NCL: variants seen among roughly 807,000 people sequenced by gnomAD.
NCL encodes nucleolin multifunctional protein.
Under a neutral mutation model 77.7 loss-of-function variants are expected in NCL, and 4 were observed. The observed-to-expected ratio is 0.05, with a 90% CI of 0.03 to 0.12. The LOEUF (loss-of-function observed/expected upper bound fraction) is 0.12. Among genes scored for constraint, NCL ranks in the 10% least tolerant of loss-of-function variants. The pLI is 1.00. For synonymous variants in NCL, 344 were observed against 297.8 expected, an observed-to-expected ratio of 1.16 and a Z score of -1.60; for missense variants, 763 against 860.9, an observed-to-expected ratio of 0.89 and a Z score of 1.42.
chr2:231,458,247 T>A lies in NCL; in HGVS notation c.1289+19A>T. The A allele has an allele frequency of 6.3e-7, 1 of 1,599,506 alleles. No homozygotes were observed. On this transcript the variant is annotated intron_variant, in intron 8 of 13. Coordinates refer to ENST00000322723, the MANE Select transcript of NCL (RefSeq NM_005381.3). ...ATTAATGTTAATAAAACCCTTACAT[T>A]TCAATAGACAGAACATACCCTTTAC...
intron 11 of NCL, 125 bp downstream of exon 11, chr2:231,456,506 A>G (rs764404467): frequency 7.2e-7 from 1 of 1,390,576 alleles, no homozygotes; most frequent in East Asian, 2.3e-5. Flanking sequence ...TTTCTCAGGT[A>G]ATCAGTCATC....
At chr2:231,458,035 T>G (rs951303130) in intron 8 of NCL, among the ~76,000 whole-genome samples, 19 of 152,240 alleles carry the variant, frequency 1.2e-4, no homozygotes, top group South Asian at 4.1e-4. Flanking sequence ...TACAAAGTAT[T>G]TATTGTAAGA....
chr2:231,456,535 C>A, intron 11 of NCL, 96 bp downstream of exon 11: 1 of 1,547,690 alleles, frequency 6.5e-7, no homozygotes, highest in Non-Finnish European at 8.9e-7. Flanking sequence ...TTATTGTTCA[C>A]TCAGTAGCAA....
In NCL at chr2:231,459,248, A is replaced by G. The variant is rs1419266797; in HGVS notation, c.1041-123T>C. ...TCACATTTTAAAAAGCACCCCTAGT[A>G]TTAGCAAAACAAAGTCAAGGCTCTG... On this transcript the variant is annotated intron_variant, in intron 6 of 13. Transcript: ENST00000322723. The G allele has an allele frequency of 2.7e-6, 3 of 1,112,304 alleles. No homozygotes were observed. The East Asian group carries it at 8.8e-5, about 33-fold the overall frequency. The allele number at this position is 1,112,304 out of a possible 1,614,324, so 68.9% of individuals were successfully genotyped here. A position where few individuals can be genotyped will look rare whatever the true frequency, so the allele number is the denominator to read the frequency against.
Position 231,461,996 on chromosome 2 carries a change from C to G in NCL, c.157G>C (p.Gly53Arg). ...GEEVVIPQKK[G>R]KKAAATSAKK... ...GCTGAGGTTGCAGCAGCCTTCTTGCCTTTCTTCTGAGGTATGACGACCTTG... is the reference window on the plus strand; with the variant it reads ...GCTGAGGTTGCAGCAGCCTTCTTGCGTTTCTTCTGAGGTATGACGACCTTG... Residue 53 changes from glycine (G) to arginine (R), a missense_variant, in exon 3 of 14, where the codon GGC becomes CGC. By Grantham distance (125) the Gly-to-Arg change is moderately radical. Coordinates refer to ENST00000322723, the MANE Select transcript of NCL (RefSeq NM_005381.3). 6.2e-7 allele frequency: 1 copy of G among 1,614,136 alleles called. No individual in the cohort carries two copies. Among genetic ancestry groups the G allele is most frequent in the Non-Finnish European group, 8.5e-7 (1 of 1,180,040 alleles).
rs775008554 is a variant in NCL, at chr2:231,456,736, C to T, written c.1600G>A (p.Glu534Lys). 7.4e-6 allele frequency: 12 copies of T among 1,613,942 alleles called. No individual in the cohort carries two copies. Among genetic ancestry groups the T allele is most frequent in the South Asian group, 2.2e-5 (2 of 91,064 alleles). The change falls in exon 11 of 14, where the codon GAA (glutamate) becomes AAA (lysine). Residue 534 changes from glutamate to lysine, a missense_variant. Coordinates refer to ENST00000322723, the MANE Select transcript of NCL (RefSeq NM_005381.3). ...GYAFIEFASFEDAKEALNSCN... is the reference protein window; with the variant it reads ...GYAFIEFASFKDAKEALNSCN... ...GAATTTAAAGCTTCTTTAGCGTCTT[C>T]GAATGAAGCAAACTCTATAAATGCA...
Position 231,455,148 on chromosome 2 carries a change from G to A in NCL, c.*43C>T, listed in dbSNP as rs200912235. On this transcript the variant is annotated 3_prime_UTR_variant, in exon 14 of 14. Coordinates refer to ENST00000322723, the MANE Select transcript of NCL (RefSeq NM_005381.3). ...ATCAGGTAACAGTAAAAACCCCAGA[G>A]TCCTTTCTTTCAAATGGAAAAGGGA... is the stretch of plus-strand genomic sequence containing the variant. 59 of 1,607,798 alleles carry A rather than the reference G, an allele frequency of 3.7e-5. No homozygotes were observed. The highest frequency in any genetic ancestry group is 4.9e-5 in the Non-Finnish European group (58 of 1,174,932).
rs950122378 is a variant in NCL at position 231,453,990 on chromosome 2, A to C, written c.*1201T>G. On this transcript the variant is annotated 3_prime_UTR_variant, in exon 14 of 14. Transcript: ENST00000322723. ...CTCTCACGTGGCCTTGTCTTTTACT[A>C]AAAAGGGAGGTTGAGAGGCAAGTAC... 6.6e-6 allele frequency: 1 copy of C among 152,206 alleles called. No individual in the cohort carries two copies. Among genetic ancestry groups the C allele is most frequent in the African/African-American group, 2.4e-5 (1 of 41,452 alleles). The allele number at this position is 152,206 out of a possible 1,614,324, so 9.4% of individuals were successfully genotyped here.
At position 231,454,974 on chromosome 2, in the gene NCL, G is replaced by A. The variant is rs1006994125; in HGVS notation, c.*217C>T. 7 of 527,656 alleles carry A rather than the reference G, an allele frequency of 1.3e-5. No homozygotes were observed. The highest frequency in any genetic ancestry group is 2.4e-5 in the Non-Finnish European group (7 of 297,280). The allele number at this position is 527,656 out of a possible 1,614,324, so 32.7% of individuals were successfully genotyped here. A position where few individuals can be genotyped will look rare whatever the true frequency, so the allele number is the denominator to read the frequency against. ...ATTCAAAACTTACAGATAAGGGTTAGCTCTATCACTCAACTCTTTAAAAAG... is the reference window on the plus strand; with the variant it reads ...ATTCAAAACTTACAGATAAGGGTTAACTCTATCACTCAACTCTTTAAAAAG... On this transcript the variant is annotated 3_prime_UTR_variant, in exon 14 of 14. Coordinates refer to ENST00000322723, the MANE Select transcript of NCL (RefSeq NM_005381.3).
intron 10 of NCL, 76 bp from the exon 11 acceptor site, chr2:231,456,840 C>A (rs972182024): frequency 6.3e-7 from 1 of 1,583,576 alleles, no homozygotes; most frequent in Non-Finnish European, 8.6e-7. Context: ...GCTGCCAAGC[C>A]CCTTCTCTCA....
At chr2:231,462,875 C>A (rs1206678748) in intron 2 of NCL, 17 of 294,362 alleles carry the variant, frequency 5.8e-5, no homozygotes, top group Non-Finnish European at 1.0e-4. Flanking sequence ...ATCCTCAGCT[C>A]TGAATACAAT....
At position 231,457,751 on chromosome 2, in the gene NCL, C is replaced by T. The variant is rs1485836177; in HGVS notation, c.1339G>A (p.Glu447Lys). ...TCGATCTCTGTTCCCTGCTTTTCTT[C>T]AAAGGTTTTCTCTGCATCAGCTTCT... Reference protein sequence around the residue: ...KTEADAEKTFEEKQGTEIDGR... With the variant: ...KTEADAEKTFKEKQGTEIDGR... Residue 447 changes from glutamate (E) to lysine (K), a missense_variant, in exon 9 of 14, where the codon GAA (glutamate) becomes AAA (lysine). Glu to Lys is a moderately conservative substitution (Grantham distance 56). Transcript: ENST00000322723. 6.2e-7 allele frequency: 1 copy of T among 1,613,024 alleles called. No individual in the cohort carries two copies. The highest frequency in any genetic ancestry group is 1.6e-4 in the Middle Eastern group (1 of 6,082).
At chr2:231,463,032 A>G (rs2046966713) in intron 2 of NCL, 168 bp downstream of exon 2, 5 of 601,890 alleles carry the variant, frequency 8.3e-6, no homozygotes, top group Non-Finnish European at 1.5e-5. Flanking sequence ...TCAAATACTT[A>G]GCCAAATGAC....
At position 231,463,254 on chromosome 2, in the gene NCL, A is replaced by G; in HGVS notation, c.81T>C (p.Asp27=). The G allele has an allele frequency of 5.0e-6, 8 of 1,612,314 alleles. No individual in the cohort carries two copies. The highest frequency in any genetic ancestry group is 1.1e-5 in the South Asian group (1 of 90,480). Residue 27 remains aspartate, a synonymous_variant, in exon 2 of 14, where the codon GAT becomes GAC. Coordinates refer to ENST00000322723, the MANE Select transcript of NCL (RefSeq NM_005381.3). ...CTTCTGACATTTCCTCATCTTCACTATCTTCTTCTACCTCCTTTGGAGGAG... is the reference window on the plus strand; with the variant it reads ...CTTCTGACATTTCCTCATCTTCACTGTCTTCTTCTACCTCCTTTGGAGGAG... The part of the protein sequence containing the change: ...MAPPPKEVEE[D]SEDEEMSEDE...
chr2:231,461,565 C>CATCG lies in NCL; in HGVS notation c.587_588insCGAT (p.Glu196AspfsTer4), dbSNP rs770063594. 1 of 1,613,344 alleles carries CATCG rather than the reference C, an allele frequency of 6.2e-7. No homozygotes were observed. Among genetic ancestry groups the CATCG allele is most frequent in the African/African-American group, 1.3e-5 (1 of 74,796 alleles). ...CATCTTCCTCATCGTCATCGTCATC[C>CATCG]TCATCATCTTCGTCATCCTCATCGT... On this transcript the variant is annotated frameshift_variant, in exon 3 of 14. Coordinates refer to ENST00000322723, the MANE Select transcript of NCL (RefSeq NM_005381.3). LOFTEE classifies it high-confidence loss of function.
Position 231,460,739 on chromosome 2 carries a change from GTCA to G in NCL, c.738_740del (p.Asp250del). The stretch of plus-strand genomic sequence containing the variant: ...CATCTTCATCATCTTCGTCGTCGTC[GTCA>G]TCCTCGTCCTCATCATCCTCTTCTT... On this transcript the variant is annotated inframe_deletion, in exon 4 of 14. Coordinates refer to ENST00000322723, the MANE Select transcript of NCL (RefSeq NM_005381.3). 9.3e-6 allele frequency: 15 copies of G among 1,609,124 alleles called. No individual in the cohort carries two copies. The highest frequency in any genetic ancestry group is 2.2e-5 in the South Asian group (2 of 90,910).
chr2:231,461,557 T>C lies in NCL; in HGVS notation c.596A>G (p.Asp199Gly). Reference sequence around the variant, plus strand: ...CTCCTTACCATCTTCCTCATCGTCATCGTCATCCTCATCATCTTCGTCATC... The same window carrying C: ...CTCCTTACCATCTTCCTCATCGTCACCGTCATCCTCATCATCTTCGTCATC... ...DEDDEDDEDD[D>G]DDEEDDSEEE... The change falls in exon 3 of 14, where the codon GAT (aspartate) becomes GGT (glycine). Residue 199 changes from aspartate (D) to glycine (G), a missense_variant. Asp to Gly is a moderately conservative substitution (Grantham distance 94). Coordinates refer to ENST00000322723, the MANE Select transcript of NCL (RefSeq NM_005381.3). 1 of 1,613,654 alleles carries C rather than the reference T, an allele frequency of 6.2e-7. No individual in the cohort carries two copies. Among genetic ancestry groups the C allele is most frequent in the South Asian group, 1.1e-5 (1 of 91,050 alleles).
chr2:231,457,214 A>C, intron 9 of NCL, 90 bp from the exon 10 acceptor site: 1 of 1,544,536 alleles, frequency 6.5e-7, no homozygotes, highest in East Asian at 2.3e-5. Context: ...TAAGAATTTC[A>C]GTGCTTGAGT....
Position 231,460,298 on chromosome 2 carries a change from A to C in NCL, c.899-5T>G. 1 of 1,613,898 alleles carries C rather than the reference A, an allele frequency of 6.2e-7. No individual in the cohort carries two copies. Among genetic ancestry groups the C allele is most frequent in the African/African-American group, 1.3e-5 (1 of 75,016 alleles). On this transcript the variant is annotated splice_polypyrimidine_tract_variant and splice_region_variant and intron_variant, in intron 5 of 13. Transcript: ENST00000322723. ...AAGCCGTAGTCGGTTCTGTGCCTGC[A>C]CAAAAAAAGCTCAACTCAGTCTACT...
Sources: gnomAD v4.1 joint callset for allele counts (sites outside exome capture counted in the v4.1 genomes callset) on GRCh38, gnomAD v4.1.1 for gene constraint, MANE v1.5 for transcripts, NCBI Gene and HGNC (gene_info 2026-07-23, HGNC 2026-07-21) for gene names.